Variants in ZNF571 observed in about 807,000 individuals in gnomAD.
ZNF571 encodes the protein zinc finger protein 571.
ZNF571 carries 4 observed loss-of-function variants against 7.7 expected under a neutral mutation model. The ratio of observed to expected loss-of-function variants is 0.52; its 90% confidence interval spans 0.25 to 1.18. The LOEUF is 1.18. Ranked by LOEUF, ZNF571 falls within the 50% of genes most tolerant of loss-of-function variation. The probability of loss-of-function intolerance (pLI) is 0.14; values close to 1 mark genes in which losing one functional copy is unlikely to be tolerated. For synonymous variants in ZNF571, 251 were observed against 232.4 expected (o/e 1.08, Z -0.73); for missense variants, 704 against 726.9 (o/e 0.97, Z 0.36).
At chr19:37,570,949 T>C (rs1214934613) in intron 3 of ZNF571, among the ~76,000 whole-genome samples, 1 of 152,234 alleles carries the variant, frequency 6.6e-6, no homozygotes, top group Admixed American at 6.5e-5. Flanking sequence ...TAATAGGCTG[T>C]GGTGTAATAC....
Position 37,565,026 on chromosome 19 carries a change from T to C in ZNF571, c.1402A>G (p.Ile468Val). The change falls in exon 4 of 4, where the codon ATT (isoleucine) becomes GTT (valine). Residue 468 changes from isoleucine (I) to valine (V), a missense_variant. Coordinates refer to ENST00000451802, the MANE Select transcript of ZNF571 (RefSeq NM_016536.5). Reference sequence around the variant, plus strand: ...CATTCATAATGTTTCTCACCATGAATTTTCTCATGTTGAGTAAGATATGCA... The same window carrying C: ...CATTCATAATGTTTCTCACCATGAACTTTCTCATGTTGAGTAAGATATGCA... ...RVAYLTQHEK[I>V]HGEKHYECKE... 6.2e-7 allele frequency: 1 copy of C among 1,613,698 alleles called. No homozygotes were observed. Among genetic ancestry groups the C allele is most frequent in the Non-Finnish European group, 8.5e-7 (1 of 1,179,722 alleles).
chr19:37,588,023 G>A (rs1408680301), intron 1 of ZNF571, among the ~76,000 whole-genome samples: 3 of 144,476 alleles, frequency 2.1e-5, no homozygotes, highest in East Asian at 2.2e-4. Flanking sequence ...TCACTTGTAC[G>A]CGGGAGGTGG....
intron 2 of ZNF571, chr19:37,586,306 G>A (rs2043672011): frequency 1.5e-5 from 3 of 196,284 alleles, no homozygotes; most frequent in South Asian, 3.6e-4. Flanking sequence ...CAGGATTGTA[G>A]AGAAGATCAA....
rs2043684961 is a variant in ZNF571 at position 37,586,669 on chromosome 19, TG to T, written c.7del (p.His3ThrfsTer4). On this transcript the variant is annotated frameshift_variant and splice_region_variant, in exon 2 of 4. Coordinates refer to ENST00000451802, the MANE Select transcript of ZNF571 (RefSeq NM_016536.5). LOFTEE classifies it high-confidence loss of function. ...AGAAGGAAAGAAACAGCAACTCACG[TG>T]GGGCATGGTTTTTTAGAACTGATCA... Reference protein sequence around the residue: MPHLLVTFRDVAI... With the variant: MPXLLVTFRDVAI... 2.5e-6 allele frequency: 4 copies of T among 1,613,946 alleles called. No homozygotes were observed. In the African/African-American group the frequency reaches 5.3e-5, roughly 22 times the overall value.
At chr19:37,593,627 CG>C (rs2043932031) in intron 1 of ZNF571, among the ~76,000 whole-genome samples, 1 of 152,114 alleles carries the variant, frequency 6.6e-6, no homozygotes, top group African/African-American at 2.4e-5. Flanking sequence ...GGCGTGAACC[CG>C]GAAGGCGGAG....
At chr19:37,581,848 G>A (rs2043478027) in intron 3 of ZNF571, among the ~76,000 whole-genome samples, 2 of 151,086 alleles carry the variant, frequency 1.3e-5, no homozygotes, top group Admixed American at 1.3e-4. Flanking sequence ...GCAGTGGACA[G>A]GAGCTGCAGG....
Position 37,569,330 on chromosome 19 carries a change from T to C in ZNF571, c.137-3039A>G, listed in dbSNP as rs1158159420. ...TTTGTTCTAATCTCCATCTGGCAGATAGAATGGAATAGTAAATATGAAAAT... is the reference window on the plus strand; with the variant it reads ...TTTGTTCTAATCTCCATCTGGCAGACAGAATGGAATAGTAAATATGAAAAT... On this transcript the variant is annotated intron_variant, in intron 3 of 3. Coordinates refer to ENST00000451802, the MANE Select transcript of ZNF571 (RefSeq NM_016536.5). The surrounding 1 kb of genome is among the most constrained non-coding windows in gnomAD (Gnocchi z 4.4). Among the ~76,000 whole-genome samples, 1 of 152,168 alleles carries C rather than the reference T, an allele frequency of 6.6e-6. No individual in the cohort carries two copies. Among genetic ancestry groups the C allele is most frequent in the Non-Finnish European group, 1.5e-5 (1 of 68,028 alleles).
intron 1 of ZNF571, among the ~76,000 whole-genome samples, chr19:37,591,001 CAG>C (rs1316849954): frequency 6.6e-6 from 1 of 152,112 alleles, no homozygotes; most frequent in Non-Finnish European, 1.5e-5. Context: ...TAGCATAAAA[CAG>C]AGATACAAGT....
rs756586237 is a variant in ZNF571 at position 37,564,731 on chromosome 19, G to A, written c.1697C>T (p.Ala566Val). The A allele has an allele frequency of 6.2e-7, 1 of 1,613,554 alleles. No homozygotes were observed. Among genetic ancestry groups the A allele is most frequent in the Non-Finnish European group, 8.5e-7 (1 of 1,179,632 alleles). Residue 566 changes from alanine (A) to valine (V), a missense_variant, in exon 4 of 4, where the codon GCC becomes GTC. By Grantham distance (64) the Ala-to-Val change is moderately conservative. Coordinates refer to ENST00000451802, the MANE Select transcript of ZNF571 (RefSeq NM_016536.5). ...KPYECKECGR[A>V]FSRGSELTLH... Reference sequence around the variant, plus strand: ...AGTAAGTTCTGAGCCACGACTAAAGGCCCTCCCACATTCCTTACATTCATA... The same window carrying A: ...AGTAAGTTCTGAGCCACGACTAAAGACCCTCCCACATTCCTTACATTCATA...
Position 37,564,415 on chromosome 19 carries a change from T to C in ZNF571, c.*183A>G, listed in dbSNP as rs930697838. On this transcript the variant is annotated 3_prime_UTR_variant, in exon 4 of 4. Transcript: ENST00000451802. ...TAATAAAGGATATAATTCAGCATTA[T>C]ATTCTAGCGTTTATAGAGATGTTAA... The C allele has an allele frequency of 2.3e-6, 1 of 440,660 alleles. No individual in the cohort carries two copies. Among genetic ancestry groups the C allele is most frequent in the Non-Finnish European group, 3.9e-6 (1 of 256,200 alleles). 27.3% of individuals were successfully genotyped at this position (440,660 alleles called of 1,614,324 possible). A position where few individuals can be genotyped will look rare whatever the true frequency, so the allele number is the denominator to read the frequency against.
At chr19:37,579,385 G>C (rs2043365005) in intron 3 of ZNF571, among the ~76,000 whole-genome samples, 1 of 152,202 alleles carries the variant, frequency 6.6e-6, no homozygotes, top group Non-Finnish European at 1.5e-5. Flanking sequence ...CCAACCAGCT[G>C]ACACCAGCAC....
intron 1 of ZNF571, among the ~76,000 whole-genome samples, chr19:37,588,133 A>G (rs2043746288): frequency 7.0e-6 from 1 of 142,064 alleles, no homozygotes; most frequent in Admixed American, 7.1e-5. Flanking sequence ...AAAAAATCCC[A>G]TGGGTTAAAA....
chr19:37,572,606 G>A (rs968187946), intron 3 of ZNF571, among the ~76,000 whole-genome samples: 10 of 152,284 alleles, frequency 6.6e-5, no homozygotes, highest in South Asian at 2.1e-4. Context: ...TGTATACGCC[G>A]CAGATAAGGG....
chr19:37,578,840 G>T (rs927654834), intron 3 of ZNF571, among the ~76,000 whole-genome samples: 14 of 152,334 alleles, frequency 9.2e-5, no homozygotes, highest in African/African-American at 3.4e-4. Flanking sequence ...CTAAACTCTG[G>T]TGGCCTGAGG....
chr19:37,590,033 C>A (rs754973493), intron 1 of ZNF571, among the ~76,000 whole-genome samples: 2 of 151,756 alleles, frequency 1.3e-5, no homozygotes, highest in Non-Finnish European at 2.9e-5. Context: ...TTAAAAGAGA[C>A]TAAAGAGATG....
rs1249134584 is a variant in ZNF571, at chr19:37,584,011, C to T, written c.96G>A (p.Arg32=). Reference sequence around the variant, plus strand: ...TGCTGTAGTTCTCCAACATCACATCCCTGTACAAGTCCCTCTGAGCAGGGT... The same window carrying T: ...TGCTGTAGTTCTCCAACATCACATCTCTGTACAAGTCCCTCTGAGCAGGGT... ...CLDPAQRDLY[R]DVMLENYSNL... is the part of the protein sequence containing the mutation. Residue 32 remains arginine, a synonymous_variant, in exon 3 of 4, where the codon AGG becomes AGA. Coordinates refer to ENST00000451802, the MANE Select transcript of ZNF571 (RefSeq NM_016536.5). The T allele has an allele frequency of 5.0e-6, 8 of 1,613,864 alleles. No homozygotes were observed. The highest frequency in any genetic ancestry group is 6.8e-6 in the Non-Finnish European group (8 of 1,179,850).
chr19:37,573,591 C>G (rs1056818574), intron 3 of ZNF571, among the ~76,000 whole-genome samples: 5 of 150,944 alleles, frequency 3.3e-5, no homozygotes, highest in African/African-American at 1.2e-4. Context: ...CTTTGGGAGG[C>G]TGAGTCAGGA....
chr19:37,564,851 C>G lies in ZNF571; in HGVS notation c.1577G>C (p.Gly526Ala). Residue 526 changes from glycine to alanine, a missense_variant, in exon 4 of 4, where the codon GGT (glycine) becomes GCT (alanine). By Grantham distance (60) the Gly-to-Ala change is moderately conservative. Coordinates refer to ENST00000451802, the MANE Select transcript of ZNF571 (RefSeq NM_016536.5). ...QLSEHQRIHRGEKPYECKQCG... is the reference protein window; with the variant it reads ...QLSEHQRIHRAEKPYECKQCG... Reference sequence around the variant, plus strand: ...CTGTTTACATTCATAAGGTTTTTCACCTCTGTGAATTCTCTGATGTTCACT... The same window carrying G: ...CTGTTTACATTCATAAGGTTTTTCAGCTCTGTGAATTCTCTGATGTTCACT... 6.2e-7 allele frequency: 1 copy of G among 1,614,046 alleles called. No homozygotes were observed. The highest frequency in any genetic ancestry group is 8.5e-7 in the Non-Finnish European group (1 of 1,179,964).
Position 37,565,268 on chromosome 19 carries a change from C to A in ZNF571, c.1160G>T (p.Gly387Val). The stretch of plus-strand genomic sequence containing the variant: ...TTCTTTGCATTTATAAGGTCTCTCA[C>A]CTGAATGAACTCTCAGGTGGTAAGT... ...QLTYHLRVHS[G>V]ERPYKCKECG... The change falls in exon 4 of 4, where the codon GGT (glycine) becomes GTT (valine). Residue 387 changes from glycine to valine, a missense_variant. Coordinates refer to ENST00000451802, the MANE Select transcript of ZNF571 (RefSeq NM_016536.5). The A allele has an allele frequency of 6.2e-7, 1 of 1,611,418 alleles. No homozygotes were observed. Among genetic ancestry groups the A allele is most frequent in the Non-Finnish European group, 8.5e-7 (1 of 1,179,040 alleles).
Sources: gnomAD v4.1 joint callset for allele counts (sites outside exome capture counted in the v4.1 genomes callset) on GRCh38, gnomAD v4.1.1 for gene constraint, Gnocchi (gnomAD v3.1) non-coding constraint, MANE v1.5 for transcripts, NCBI Gene and HGNC (gene_info 2026-07-23, HGNC 2026-07-21) for gene names.